RBL1: variants seen among roughly 807,000 people sequenced by gnomAD.
The protein encoded by RBL1 is RB transcriptional corepressor like 1.
In RBL1, 82 loss-of-function variants were observed where a neutral mutation model predicts 123.0. The observed-to-expected ratio is 0.67, with a 90% CI of 0.56 to 0.80. RBL1 has a LOEUF of 0.80. Ranked by LOEUF, RBL1 falls within the 30% of genes least tolerant of loss-of-function variation. The pLI is 0.00. For missense variants in RBL1, 1,171 were observed against 1,299.6 expected, an observed-to-expected ratio of 0.90 and a Z score of 1.52; for synonymous variants, 405 against 441.3, an observed-to-expected ratio of 0.92 and a Z score of 1.03.
chr20:37,034,664 C>A (rs1039825029), intron 15 of RBL1, among the ~76,000 whole-genome samples: 1 of 150,880 alleles, frequency 6.6e-6, no homozygotes, highest in Non-Finnish European at 1.5e-5. Context: ...ATGTGGGTGA[C>A]AGAGTGAGAT....
chr20:37,049,775 A>G (rs2064876187), intron 11 of RBL1: 1 of 508,338 alleles, frequency 2.0e-6, no homozygotes, highest in South Asian at 3.3e-5. Context: ...TTAGAGAGAG[A>G]AAAAAGGCCA....
Position 37,063,772 on chromosome 20 carries a change from A to G in RBL1, c.897-1502T>C, listed in dbSNP as rs139125018. Reference sequence around the variant, plus strand: ...AGTGATCAGCCCACCTCGGCCCCCCAAAGTGTTGGGATTACAGGAGTGAGC... The same window carrying G: ...AGTGATCAGCCCACCTCGGCCCCCCGAAGTGTTGGGATTACAGGAGTGAGC... On this transcript the variant is annotated intron_variant, in intron 7 of 21. Coordinates refer to ENST00000373664, the MANE Select transcript of RBL1 (RefSeq NM_002895.5). Among the ~76,000 whole-genome samples, 151 of 150,984 alleles carry G rather than the reference A, an allele frequency of 1.0e-3. No homozygotes were observed. The East Asian group carries it at 0.019, about 19-fold the overall frequency.
chr20:37,057,084 C>T (rs1241371283), intron 9 of RBL1, among the ~76,000 whole-genome samples: 1 of 152,056 alleles, frequency 6.6e-6, no homozygotes, highest in Non-Finnish European at 1.5e-5. Flanking sequence ...CATACACCCA[C>T]AGCATTTTCT....
At chr20:37,082,907 T>G (rs539352162) in intron 2 of RBL1, among the ~76,000 whole-genome samples, 190 of 151,832 alleles carry the variant, frequency 1.3e-3, no homozygotes, top group African/African-American at 4.4e-3. Flanking sequence ...GAGGATGAGG[T>G]GGGAGGATTG....
At chr20:37,037,601 A>C (rs2064639689) in intron 14 of RBL1, among the ~76,000 whole-genome samples, 2 of 152,164 alleles carry the variant, frequency 1.3e-5, no homozygotes, top group Non-Finnish European at 2.9e-5. Flanking sequence ...AAGATTCGTA[A>C]AGATCAAAAA....
chr20:37,070,172 C>G (rs546040105), intron 2 of RBL1, among the ~76,000 whole-genome samples: 53 of 152,284 alleles, frequency 3.5e-4, no homozygotes, highest in African/African-American at 1.1e-3. Context: ...GACCTTACCC[C>G]CAACCCTGTG....
At chr20:37,012,512 C>T (rs1358666767) in intron 19 of RBL1, among the ~76,000 whole-genome samples, 5 of 150,382 alleles carry the variant, frequency 3.3e-5, no homozygotes, top group Non-Finnish European at 4.4e-5. Context: ...GCCTCTGCCC[C>T]GCCGCCCCGT....
chr20:37,023,189 T>C (rs1199906094), intron 16 of RBL1, among the ~76,000 whole-genome samples: 2 of 152,120 alleles, frequency 1.3e-5, no homozygotes, highest in African/African-American at 4.8e-5. Context: ...TGGCACAATC[T>C]TGGCTCACTG....
rs1393041185 is a variant in RBL1, at chr20:37,095,922, C to T, written c.7G>A (p.Glu3Lys). The T allele has an allele frequency of 6.9e-6, 11 of 1,586,168 alleles. No individual in the cohort carries two copies. Among genetic ancestry groups the T allele is most frequent in the Non-Finnish European group, 7.7e-6 (9 of 1,166,534 alleles). The change falls in exon 1 of 22, where the codon GAG becomes AAG. Residue 3 changes from glutamate (E) to lysine (K), a missense_variant. By Grantham distance (56) the Glu-to-Lys change is moderately conservative. Coordinates refer to ENST00000373664, the MANE Select transcript of RBL1 (RefSeq NM_002895.5). MF[E>K]DKPHAEGAAV... ...GCCCCCTCAGCGTGGGGCTTGTCCTCGAACATCCCTTCAGGCCCCGCGGGC... is the reference window on the plus strand; with the variant it reads ...GCCCCCTCAGCGTGGGGCTTGTCCTTGAACATCCCTTCAGGCCCCGCGGGC...
chr20:37,066,819 C>T lies in RBL1; in HGVS notation c.751G>A (p.Val251Ile), dbSNP rs769566794. 3 of 1,612,924 alleles carry T rather than the reference C, an allele frequency of 1.9e-6. No individual in the cohort carries two copies. The South Asian group carries it at 3.3e-5, about 18-fold the overall frequency. ...AGTCCATCATGCAGTTCACACAGTA[C>T]AGCAATGATGCAGGGTGGCTCTTCA... ...ASEEPPCIIA[V>I]LCELHDGLLV... The change falls in exon 6 of 22, where the codon GTA (valine) becomes ATA (isoleucine). Residue 251 changes from valine to isoleucine, a missense_variant. Coordinates refer to ENST00000373664, the MANE Select transcript of RBL1 (RefSeq NM_002895.5).
rs1372044916 is a variant in RBL1 at position 37,007,485 on chromosome 20, A to C, written c.2797T>G (p.Phe933Val). The C allele has an allele frequency of 6.2e-7, 1 of 1,613,972 alleles. No individual in the cohort carries two copies. Among genetic ancestry groups the C allele is most frequent in the Admixed American group, 1.7e-5 (1 of 60,004 alleles). The change falls in exon 20 of 22, where the codon TTT becomes GTT. Residue 933 changes from phenylalanine to valine, a missense_variant. Physicochemically the swap from Phe to Val is conservative, Grantham distance 50 (BLOSUM62 -1). Transcript: ENST00000373664. ...CTTCCTACATATATTGTATTGTAAAATTTTATAAGATCACCTCTTTCCTCT... is the reference window on the plus strand; with the variant it reads ...CTTCCTACATATATTGTATTGTAAACTTTTATAAGATCACCTCTTTCCTCT... The part of the protein sequence containing the change: ...VKEERGDLIK[F>V]YNTIYVGRVK...
chr20:37,028,740 G>T (rs2064461720), intron 16 of RBL1, among the ~76,000 whole-genome samples: 1 of 152,026 alleles, frequency 6.6e-6, no homozygotes, highest in Admixed American at 6.6e-5. Context: ...AATACAAGCT[G>T]GCAAAAAACA....
intron 16 of RBL1, among the ~76,000 whole-genome samples, chr20:37,027,897 G>A (rs964588963): frequency 4.6e-5 from 7 of 152,244 alleles, no homozygotes; most frequent in Non-Finnish European, 1.0e-4. Context: ...TGGGACTACA[G>A]GCATGGGCCA....
chr20:37,082,765 G>C (rs2065473083), intron 2 of RBL1, among the ~76,000 whole-genome samples: 1 of 152,146 alleles, frequency 6.6e-6, no homozygotes, highest in African/African-American at 2.4e-5. Context: ...GGGAGGCGAA[G>C]ATGGGTGGAT....
chr20:37,036,626 C>CTTT (rs11340151), intron 14 of RBL1, among the ~76,000 whole-genome samples: 1 of 107,856 alleles, frequency 9.3e-6, no homozygotes, highest in African/African-American at 4.0e-5. Flanking sequence ...ATTTTCTTTT[C>CTTT]TTTTTTTTTT....
At chr20:37,091,981 G>A (rs1416983016) in intron 1 of RBL1, among the ~76,000 whole-genome samples, 3 of 152,240 alleles carry the variant, frequency 2.0e-5, no homozygotes, top group East Asian at 3.9e-4. Context: ...GGTGGCTTAC[G>A]CATGTAATTC....
At position 37,068,069 on chromosome 20, in the gene RBL1, G is replaced by T. The variant is rs1196197042; in HGVS notation, c.408C>A (p.Phe136Leu). The T allele has an allele frequency of 2.5e-6, 4 of 1,612,874 alleles. No individual in the cohort carries two copies. Among genetic ancestry groups the T allele is most frequent in the East Asian group, 2.2e-5 (1 of 44,826 alleles). The part of the protein sequence containing the change: ...ERNFEVSTVI[F>L]KKYEPIFLDI... ...CTAAAAAAATTGGCTCATATTTTTT[G>T]AATATTACAGTAGACACCTCAAAAT... The change falls in exon 3 of 22, where the codon TTC becomes TTA. Residue 136 changes from phenylalanine (F) to leucine (L), a missense_variant. By Grantham distance (22) the Phe-to-Leu change is conservative. Coordinates refer to ENST00000373664, the MANE Select transcript of RBL1 (RefSeq NM_002895.5).
intron 2 of RBL1, among the ~76,000 whole-genome samples, chr20:37,087,369 A>T (rs2065565465): frequency 6.6e-6 from 1 of 152,012 alleles, no homozygotes; most frequent in African/African-American, 2.4e-5. Flanking sequence ...GGACCACTTA[A>T]GGTCAGGACT....
chr20:37,042,791 A>C (rs2064749027), intron 13 of RBL1, among the ~76,000 whole-genome samples: 1 of 150,288 alleles, frequency 6.7e-6, no homozygotes, highest in African/African-American at 2.5e-5. Context: ...AGTCCCAGCT[A>C]CTCAGAAGGC....
Sources: gnomAD v4.1 joint callset for allele counts (sites outside exome capture counted in the v4.1 genomes callset) on GRCh38, gnomAD v4.1.1 for gene constraint, MANE v1.5 for transcripts, NCBI Gene and HGNC (gene_info 2026-07-23, HGNC 2026-07-21) for gene names.